PKIB: variants seen among roughly 807,000 people sequenced by gnomAD.
The protein encoded by PKIB is cAMP-dependent protein kinase inhibitor beta.
A neutral mutation model predicts 4.5 loss-of-function variants in PKIB; 2 were observed. The observed-to-expected ratio is 0.44, with a 90% CI of 0.18 to 1.39. PKIB has a LOEUF of 1.39. Ranked by LOEUF, PKIB falls within the 40% of genes most tolerant of loss-of-function variation. The pLI is 0.27. For synonymous variants in PKIB, 38 were observed against 36.0 expected, an observed-to-expected ratio of 1.06 and a Z score of -0.20; for missense variants, 94 against 92.6, an observed-to-expected ratio of 1.02 and a Z score of -0.06.
intron 2 of PKIB, among the ~76,000 whole-genome samples, chr6:122,534,191 A>G (rs1227744096): frequency 6.7e-6 from 1 of 149,706 alleles, no homozygotes; most frequent in Non-Finnish European, 1.5e-5. Context: ...TATATTATAT[A>G]CAATTGAGGC....
chr6:122,673,557 A>C (rs1777547774), intron 2 of PKIB, among the ~76,000 whole-genome samples: 5 of 152,184 alleles, frequency 3.3e-5, no homozygotes, highest in Admixed American at 3.3e-4. Context: ...AAAGAGTGAG[A>C]GGAAGAGCAA....
intron 2 of PKIB, among the ~76,000 whole-genome samples, chr6:122,514,329 G>A (rs1272307531): frequency 6.6e-6 from 1 of 152,150 alleles, no homozygotes; most frequent in Non-Finnish European, 1.5e-5. Context: ...TGTAAAAGTG[G>A]TCCTGGGCTA....
chr6:122,602,726 C>T (rs1197395941), intron 3 of PKIB, among the ~76,000 whole-genome samples: 1 of 151,812 alleles, frequency 6.6e-6, no homozygotes, highest in African/African-American at 2.4e-5. Flanking sequence ...ACCAGCCTGG[C>T]CAATGTGGCA....
chr6:122,527,939 G>A (rs895657575), intron 2 of PKIB, among the ~76,000 whole-genome samples: 1 of 152,078 alleles, frequency 6.6e-6, no homozygotes, highest in African/African-American at 2.4e-5. Flanking sequence ...TTGATATTCT[G>A]TCTGGTTATT....
At chr6:122,485,503 A>G (rs957986891) in intron 2 of PKIB, among the ~76,000 whole-genome samples, 2 of 152,202 alleles carry the variant, frequency 1.3e-5, no homozygotes, top group African/African-American at 4.8e-5. Flanking sequence ...GGTAAAAACA[A>G]CATTAAATTT....
chr6:122,635,622 A>G (rs1582761156), intron 2 of PKIB, among the ~76,000 whole-genome samples: 1 of 152,028 alleles, frequency 6.6e-6, no homozygotes, highest in East Asian at 1.9e-4. Flanking sequence ...TAGCTAAATA[A>G]TGTAGACATC....
At chr6:122,677,995 C>T (rs1349618057) in intron 3 of PKIB, among the ~76,000 whole-genome samples, 1 of 151,894 alleles carries the variant, frequency 6.6e-6, no homozygotes, top group East Asian at 1.9e-4. Flanking sequence ...GCAAGCTCTG[C>T]CTCCTGGGTT....
At chr6:122,569,574 A>G (rs1173338628) in intron 2 of PKIB, among the ~76,000 whole-genome samples, 1 of 152,212 alleles carries the variant, frequency 6.6e-6, no homozygotes, top group East Asian at 1.9e-4. Context: ...CACAGAGTCT[A>G]CGTCACTCCT....
At chr6:122,519,610 A>G (rs1776872511) in intron 2 of PKIB, among the ~76,000 whole-genome samples, 1 of 152,204 alleles carries the variant, frequency 6.6e-6, no homozygotes, top group Non-Finnish European at 1.5e-5. Flanking sequence ...GGAAAGAATG[A>G]TGGGTTAAAA....
chr6:122,494,466 G>A (rs892611545), intron 2 of PKIB, among the ~76,000 whole-genome samples: 5 of 152,178 alleles, frequency 3.3e-5, no homozygotes, highest in African/African-American at 1.2e-4. Flanking sequence ...TAAAACATGA[G>A]ACAGTTTTAT....
In PKIB at chr6:122,725,959, A is replaced by G. The variant is rs552964710; in HGVS notation, c.*764A>G. The G allele has an allele frequency of 3.3e-5, 5 of 151,862 alleles. No homozygotes were observed. The highest frequency in any genetic ancestry group is 9.7e-5 in the African/African-American group (4 of 41,388). 9.4% of individuals were successfully genotyped at this position (151,862 alleles called of 1,614,324 possible). A position where few individuals can be genotyped will look rare whatever the true frequency, so the allele number is the denominator to read the frequency against. On this transcript the variant is annotated 3_prime_UTR_variant, in exon 5 of 5. Transcript: ENST00000368452. ...TTATACAAAATACTAGTTGTTTTAC[A>G]CTCTCTTTTCTTATTCTTAGGGCTT... is the stretch of plus-strand genomic sequence containing the variant.
At chr6:122,544,108 A>G in intron 2 of PKIB, among the ~76,000 whole-genome samples, 1 of 152,140 alleles carries the variant, frequency 6.6e-6, no homozygotes, top group South Asian at 2.1e-4. Flanking sequence ...ACAGTATAAT[A>G]CACTGATACC....
chr6:122,551,536 A>G (rs1772673771), intron 2 of PKIB, among the ~76,000 whole-genome samples: 1 of 151,952 alleles, frequency 6.6e-6, no homozygotes, highest in Non-Finnish European at 1.5e-5. Flanking sequence ...CTTTGTTTCT[A>G]TTATTGTTTT....
chr6:122,666,735 T>C (rs1437310234), intron 2 of PKIB, among the ~76,000 whole-genome samples: 1 of 152,204 alleles, frequency 6.6e-6, no homozygotes, highest in Non-Finnish European at 1.5e-5. Context: ...ATGGGATATA[T>C]CAAAAGTGAC....
At chr6:122,643,180 G>A (rs1208910688) in intron 2 of PKIB, among the ~76,000 whole-genome samples, 2 of 152,084 alleles carry the variant, frequency 1.3e-5, no homozygotes, top group Non-Finnish European at 2.9e-5. Flanking sequence ...ATAAGAAGCA[G>A]CATAACAAAC....
At chr6:122,598,655 G>A (rs1167554540) in intron 3 of PKIB, among the ~76,000 whole-genome samples, 1 of 152,102 alleles carries the variant, frequency 6.6e-6, no homozygotes, top group Non-Finnish European at 1.5e-5. Flanking sequence ...GGTCTAAAGT[G>A]ACTAATCCAC....
chr6:122,594,849 G>A (rs1019243968), intron 3 of PKIB, among the ~76,000 whole-genome samples: 27 of 152,106 alleles, frequency 1.8e-4, no homozygotes, highest in Admixed American at 9.2e-4. Flanking sequence ...TATTCCATGC[G>A]TACATTTCTT....
chr6:122,648,990 CA>C (rs1776437633), intron 2 of PKIB, among the ~76,000 whole-genome samples: 1 of 152,186 alleles, frequency 6.6e-6, no homozygotes, highest in Non-Finnish European at 1.5e-5. Flanking sequence ...TGGTCAAAGA[CA>C]GCAGTGGCTG....
In PKIB at chr6:122,562,004, G is replaced by GTTTTTTTTT. The variant is rs758656278; in HGVS notation, c.-247-23910_-247-23902dup. Among the ~76,000 whole-genome samples, 10 of 79,478 alleles carry GTTTTTTTTT rather than the reference G, an allele frequency of 1.3e-4. 1 individual carries two copies. The highest frequency in any genetic ancestry group is 1.5e-4 in the African/African-American group (3 of 19,520). 52.1% of individuals were successfully genotyped at this position (79,478 alleles called of 152,430 possible). The stretch of plus-strand genomic sequence containing the variant: ...TTTTTGTTTGTTTTTGTTTTTTTTT[G>GTTTTTTTTT]TTTTTTTTTTTTTTTGCTTTTTAAC... On this transcript the variant is annotated intron_variant, in intron 2 of 6. Transcript: ENST00000392491.
Sources: allele counts gnomAD v4.1 joint callset (sites outside exome capture counted in the v4.1 genomes callset), GRCh38; gene constraint gnomAD v4.1.1; transcripts MANE v1.5; gene names NCBI Gene and HGNC (gene_info 2026-07-23, HGNC 2026-07-21).